Variants in FILIP1 observed in about 807,000 individuals in gnomAD.
FILIP1 encodes filamin-A-interacting protein 1.
FILIP1 carries 61 observed loss-of-function variants against 102.1 expected under a neutral mutation model. The observed-to-expected ratio is 0.60, with a 90% confidence interval of 0.49 to 0.74. The LOEUF is 0.74. Among genes scored for constraint, FILIP1 ranks in the 30% least tolerant of loss-of-function variants. The probability of loss-of-function intolerance (pLI) is 0.00; values close to 1 mark genes in which losing one functional copy is unlikely to be tolerated. For synonymous variants in FILIP1, 491 were observed against 526.9 expected (o/e 0.93, Z 0.93); for missense variants, 1,314 against 1,441.2 (o/e 0.91, Z 1.43).
At chr6:75,408,249 T>C (rs1469259848) in intron 2 of FILIP1, among the ~76,000 whole-genome samples, 1 of 152,224 alleles carries the variant, frequency 6.6e-6, no homozygotes, top group Non-Finnish European at 1.5e-5. Context: ...CCAGTCATTG[T>C]GCTGAGATGA....
chr6:75,473,585 T>G (rs977350817), intron 1 of FILIP1, among the ~76,000 whole-genome samples: 1 of 152,176 alleles, frequency 6.6e-6, no homozygotes, highest in Non-Finnish European at 1.5e-5. Flanking sequence ...TGTTCCATTT[T>G]TAAAAAACAC....
rs551223963 is a variant in FILIP1, at chr6:75,340,852, T to C, written c.629+12687A>G. ...CTGGGATTATAGGCGCACACCACAA[T>C]GCTCAGGAATTTTTTTTTTTTTTTT... On this transcript the variant is annotated intron_variant, in intron 4 of 5. Coordinates refer to ENST00000237172, the MANE Select transcript of FILIP1 (RefSeq NM_015687.5). Among the ~76,000 whole-genome samples, 53 of 143,166 alleles carry C rather than the reference T, an allele frequency of 3.7e-4. No individual in the cohort carries two copies. In the East Asian group the frequency reaches 0.011, roughly 29 times the overall value. The allele number at this position is 143,166 out of a possible 152,430, so 93.9% of individuals were successfully genotyped here.
At chr6:75,428,504 G>A (rs1777709984) in intron 1 of FILIP1, 1 of 154,322 alleles carries the variant, frequency 6.5e-6, no homozygotes, top group African/African-American at 2.4e-5. Context: ...TGATGCTGAT[G>A]CTGTTAGTCC....
intron 2 of FILIP1, among the ~76,000 whole-genome samples, chr6:75,384,050 A>G (rs1338247213): frequency 3.3e-5 from 5 of 152,138 alleles, no homozygotes; most frequent in African/African-American, 9.7e-5. Flanking sequence ...CATAACTGTT[A>G]TGTCTTGTAT....
chr6:75,372,685 G>GAAAGAGAAAA (rs1235291415), intron 2 of FILIP1, among the ~76,000 whole-genome samples: 1 of 23,480 alleles, frequency 4.3e-5, no homozygotes, highest in African/African-American at 2.5e-4. Context: ...AAGAAAGAAA[G>GAAAGAGAAAA]AGAAAGAAAG....
intron 1 of FILIP1, among the ~76,000 whole-genome samples, chr6:75,479,486 G>C (rs569118808): frequency 3.3e-5 from 5 of 152,200 alleles, no homozygotes; most frequent in Non-Finnish European, 1.5e-5. Flanking sequence ...TTAATTATCA[G>C]TAAGGTTAAA....
intron 2 of FILIP1, among the ~76,000 whole-genome samples, chr6:75,407,484 C>CTA (rs1776908853): frequency 6.6e-6 from 1 of 152,170 alleles, no homozygotes; most frequent in Non-Finnish European, 1.5e-5. Flanking sequence ...CCTCGGCCTC[C>CTA]CATAGTGCTG....
intron 1 of FILIP1, among the ~76,000 whole-genome samples, chr6:75,466,592 C>T (rs1779172839): frequency 6.6e-6 from 1 of 152,086 alleles, no homozygotes; most frequent in Admixed American, 6.5e-5. Context: ...TCTGTTAGAC[C>T]CCTTGGCAAT....
chr6:75,471,365 T>C (rs906644571), intron 1 of FILIP1, among the ~76,000 whole-genome samples: 1 of 151,996 alleles, frequency 6.6e-6, no homozygotes, highest in Non-Finnish European at 1.5e-5. Flanking sequence ...AATAGACCAA[T>C]AGTATAAACT....
Position 75,313,059 on chromosome 6 carries a change from A to G in FILIP1, c.2773T>C (p.Leu925=). ...TPDHENSTAT[L]EITSPTSEEF... ...TCAGATGTCGGGCTTGTTATCTCCA[A>G]AGTCGCAGTGCTGTTCTCGTGGTCT... is the stretch of plus-strand genomic sequence containing the variant. Residue 925 remains leucine (L), a synonymous_variant, in exon 5 of 6, where the codon TTG becomes CTG. Coordinates refer to ENST00000237172, the MANE Select transcript of FILIP1 (RefSeq NM_015687.5). This position sits in a 1 kb window ranked among gnomAD's most constrained non-coding sequence, Gnocchi z 4.2. 1 of 1,614,148 alleles carries G rather than the reference A, an allele frequency of 6.2e-7. No homozygotes were observed. The highest frequency in any genetic ancestry group is 1.7e-5 in the Admixed American group (1 of 60,028).
chr6:75,399,918 T>G (rs922061909), intron 2 of FILIP1, among the ~76,000 whole-genome samples: 1 of 152,160 alleles, frequency 6.6e-6, no homozygotes, highest in South Asian at 2.1e-4. Context: ...TCATATGCTT[T>G]TTTTGAAAAG....
chr6:75,441,338 T>G (rs937158768), intron 1 of FILIP1, among the ~76,000 whole-genome samples: 2 of 152,116 alleles, frequency 1.3e-5, no homozygotes, highest in Non-Finnish European at 2.9e-5. Flanking sequence ...GCAAAAGAAT[T>G]TTTCTTAGTA....
At chr6:75,362,684 A>G in intron 3 of FILIP1, 60 bp downstream of exon 3, 1 of 1,527,930 alleles carries the variant, frequency 6.5e-7, no homozygotes, top group Non-Finnish European at 8.9e-7. Context: ...TAAATGGAAG[A>G]ATGTGAAGAT....
rs188019589 is a variant in FILIP1 at position 75,325,931 on chromosome 6, C to G, written c.630-10729G>C. Among the ~76,000 whole-genome samples the G allele has an allele frequency of 1.6e-3, 237 of 152,256 alleles. 1 individual carries two copies. The highest frequency in any genetic ancestry group is 1.6e-3 in the Non-Finnish European group (107 of 68,020). ...GGGATCTACCCAGGGGAAAAGAAGT[C>G]ACTATATGAAAAAGACACTTGCACA... On this transcript the variant is annotated intron_variant, in intron 4 of 5. Coordinates refer to ENST00000237172, the MANE Select transcript of FILIP1 (RefSeq NM_015687.5).
chr6:75,295,852 C>T, exon 7 of FILIP1: 1 of 1,165,534 alleles, frequency 8.6e-7, no homozygotes, highest in Non-Finnish European at 1.1e-6. Context: ...TGAGGGCTGT[C>T]CATTCAATAG....
intron 1 of FILIP1, among the ~76,000 whole-genome samples, chr6:75,466,508 G>A (rs1037385427): frequency 1.1e-4 from 16 of 152,276 alleles, no homozygotes; most frequent in South Asian, 4.1e-4. Flanking sequence ...TCCAAACAAC[G>A]TTATTGATCA....
In FILIP1 at chr6:75,330,670, A is replaced by T. The variant is rs115614844; in HGVS notation, c.630-15468T>A. ...ACTATTATACATCCTATAAATTTTT[A>T]AAAAATCCAGTAATTTAATTACATT... is the stretch of plus-strand genomic sequence containing the variant. On this transcript the variant is annotated intron_variant, in intron 4 of 5. Coordinates refer to ENST00000237172, the MANE Select transcript of FILIP1 (RefSeq NM_015687.5). Among the ~76,000 whole-genome samples the T allele has an allele frequency of 3.8e-3, 576 of 152,322 alleles. 4 individuals are homozygous for T. The highest frequency in any genetic ancestry group is 0.012 in the African/African-American group (487 of 41,586).
At chr6:75,398,067 C>T (rs1257341550) in intron 2 of FILIP1, 1 of 152,178 alleles carries the variant, frequency 6.6e-6, no homozygotes, top group Non-Finnish European at 1.5e-5. Flanking sequence ...AAGACTATAT[C>T]CACAGATAGG....
chr6:75,387,042 C>T (rs755989287), intron 2 of FILIP1, among the ~76,000 whole-genome samples: 21 of 151,962 alleles, frequency 1.4e-4, no homozygotes, highest in East Asian at 3.9e-4. Flanking sequence ...CAACAGGCCC[C>T]GGTGTGTGAT....
Sources: allele counts gnomAD v4.1 joint callset (sites outside exome capture counted in the v4.1 genomes callset), GRCh38; gene constraint gnomAD v4.1.1; non-coding constraint Gnocchi (gnomAD v3.1); transcripts MANE v1.5; gene names NCBI Gene and HGNC (gene_info 2026-07-23, HGNC 2026-07-21).